Variants in DNASE2 observed in about 807,000 individuals in gnomAD.
The protein encoded by DNASE2 is deoxyribonuclease-2-alpha.
Under a neutral mutation model 29.8 loss-of-function variants are expected in DNASE2, and 26 were observed. That is an observed-to-expected ratio of 0.87 (90% confidence interval 0.64 to 1.21). The LOEUF (loss-of-function observed/expected upper bound fraction) is 1.21, where lower values mean the gene tolerates loss of function less well. Among genes scored for constraint, DNASE2 ranks in the 50% most tolerant of loss-of-function variants. The probability of loss-of-function intolerance (pLI) is 0.00; values close to 1 mark genes in which losing one functional copy is unlikely to be tolerated. For synonymous variants in DNASE2, 186 were observed against 193.5 expected, an observed-to-expected ratio of 0.96 and a Z score of 0.32; for missense variants, 415 against 455.6, an observed-to-expected ratio of 0.91 and a Z score of 0.81.
Position 12,878,688 on chromosome 19 carries a change from C to G in DNASE2, c.493G>C (p.Ala165Pro). ...GACTTACCCATCTTCGAGAACTGAG[C>G]GAAGGGAAAAGACACACAGAGCAGG... ...QTLLCVSFPFAQFSKMGKQLT... is the reference protein window; with the variant it reads ...QTLLCVSFPFPQFSKMGKQLT... The change falls in exon 4 of 6, where the codon GCT becomes CCT. Residue 165 changes from alanine (A) to proline (P), a missense_variant. Transcript: ENST00000222219. 1.2e-6 allele frequency: 2 copies of G among 1,613,942 alleles called. No individual in the cohort carries two copies. Among genetic ancestry groups the G allele is most frequent in the Non-Finnish European group, 1.7e-6 (2 of 1,179,990 alleles).
intron 5 of DNASE2, among the ~76,000 whole-genome samples, chr19:12,876,834 T>C (rs1970326824): frequency 6.6e-6 from 1 of 151,314 alleles, no homozygotes; most frequent in African/African-American, 2.4e-5. Context: ...TTCCCAAATT[T>C]GTTTTTGAGA....
chr19:12,881,281 C>A lies in DNASE2; in HGVS notation c.86+9G>T. 3.8e-6 allele frequency: 6 copies of A among 1,579,552 alleles called. No individual in the cohort carries two copies. The highest frequency in any genetic ancestry group is 5.2e-6 in the Non-Finnish European group (6 of 1,163,576). On this transcript the variant is annotated intron_variant, in intron 1 of 5. Coordinates refer to ENST00000222219, the MANE Select transcript of DNASE2 (RefSeq NM_001375.3). ...CGGGGCGATGGTAGGCCCCCCGCTG[C>A]GCACTCACCAGTCTACAGGCTGCCC...
rs1802335 is a variant in DNASE2 at position 12,876,061 on chromosome 19, G to A, written c.1012C>T (p.Gln338Ter). ...GGCTGGTAGTTCTTCACCAGCGGCT[G>A]GAAGGCTTTCCAGAGGGCTGGCAGC... ...AQLPALWKAF[Q>*]PLVKNYQPCN... The change falls in exon 6 of 6, where the codon CAG becomes TAG. Residue 338 changes from glutamine (Q) to a stop codon, truncating the protein, a stop_gained. Coordinates refer to ENST00000222219, the MANE Select transcript of DNASE2 (RefSeq NM_001375.3). LOFTEE classifies it low-confidence loss of function (END_TRUNC). 1.2e-6 allele frequency: 2 copies of A among 1,614,068 alleles called. No homozygotes were observed. Among genetic ancestry groups the A allele is most frequent in the Non-Finnish European group, 1.7e-6 (2 of 1,180,018 alleles).
intron 3 of DNASE2, among the ~76,000 whole-genome samples, chr19:12,880,102 CAAA>C (rs71168631): frequency 9.2e-4 from 39 of 42,454 alleles, no homozygotes; most frequent in South Asian, 2.7e-3. Flanking sequence ...GAGAGTGCCG[CAAA>C]AAAAAAAAAA....
At chr19:12,878,248 G>T (rs1264410726) in intron 5 of DNASE2, 134 bp downstream of exon 5, 3 of 1,159,874 alleles carry the variant, frequency 2.6e-6, no homozygotes, top group African/African-American at 3.0e-5. Flanking sequence ...TTGAACCCAG[G>T]TCTGTTCACT....
Position 12,878,582 on chromosome 19 carries a change from G to A in DNASE2, c.512-3C>T. ...GTAGGTGTAGGTCAGCTGCTTGCCT[G>A]GAGGACAAGGGGAGGAGGAAATGCA... On this transcript the variant is annotated splice_polypyrimidine_tract_variant and splice_region_variant and intron_variant, in intron 4 of 5. Coordinates refer to ENST00000222219, the MANE Select transcript of DNASE2 (RefSeq NM_001375.3). 1 of 1,614,090 alleles carries A rather than the reference G, an allele frequency of 6.2e-7. No individual in the cohort carries two copies. Among genetic ancestry groups the A allele is most frequent in the Non-Finnish European group, 8.5e-7 (1 of 1,180,022 alleles).
rs1030626745 is a variant in DNASE2 at position 12,878,476 on chromosome 19, G to A, written c.615C>T (p.His205=). Residue 205 remains histidine, a synonymous_variant, in exon 5 of 6, where the codon CAC becomes CAT. Transcript: ENST00000222219. ...TGCTGTTCCAGGGTTCTTGGCTAAC[G>A]TGGTGGCCCTTGACCACATTCTCCA... The part of the protein sequence containing the change: ...PDLENVVKGH[H]VSQEPWNSSI... 6.2e-6 allele frequency: 10 copies of A among 1,614,056 alleles called. No individual in the cohort carries two copies. Among genetic ancestry groups the A allele is most frequent in the African/African-American group, 1.3e-5 (1 of 75,050 alleles).
chr19:12,878,755 A>G lies in DNASE2; in HGVS notation c.426T>C (p.Ala142=). Reference sequence around the variant, plus strand: ...AGGCGCTATGAGGCCAGCTGTATGCAGCAGAGGAGGCCGGTGGAGGGAAGT... The same window carrying G: ...AGGCGCTATGAGGCCAGCTGTATGCGGCAGAGGAGGCCGGTGGAGGGAAGT... ...VPNFPPPASS[A]AYSWPHSACT... is the part of the protein sequence containing the mutation. Residue 142 remains alanine (A), a synonymous_variant, in exon 4 of 6, where the codon GCT becomes GCC. Transcript: ENST00000222219. The G allele has an allele frequency of 6.2e-7, 1 of 1,614,132 alleles. No individual in the cohort carries two copies. The highest frequency in any genetic ancestry group is 8.5e-7 in the Non-Finnish European group (1 of 1,180,018).
Position 12,880,888 on chromosome 19 carries a change from C to A in DNASE2, c.268-8G>T, listed in dbSNP as rs1035476433. ...GTAGAGCAGGAAGGCGAGCTGCGGG[C>A]GGATAAACGGAGGCAACGTGAAATT... On this transcript the variant is annotated splice_region_variant and splice_polypyrimidine_tract_variant and intron_variant, in intron 2 of 5. Transcript: ENST00000222219. The A allele has an allele frequency of 6.2e-7, 1 of 1,614,168 alleles. No homozygotes were observed. The highest frequency in any genetic ancestry group is 1.3e-5 in the African/African-American group (1 of 75,036).
rs768199297 is a variant in DNASE2, at chr19:12,875,947, T to C, written c.*43A>G. 3.3e-5 allele frequency: 53 copies of C among 1,608,014 alleles called. No individual in the cohort carries two copies. The highest frequency in any genetic ancestry group is 4.2e-5 in the Non-Finnish European group (49 of 1,179,308). ...ATCCTCCCTCCTTGGCTTCCCAAAG[T>C]GCTGGGATTACATACGTGAGCCACT... On this transcript the variant is annotated 3_prime_UTR_variant, in exon 6 of 6. Transcript: ENST00000222219.
chr19:12,876,093 C>A lies in DNASE2; in HGVS notation c.980G>T (p.Cys327Phe). 14 of 1,613,962 alleles carry A rather than the reference C, an allele frequency of 8.7e-6. No homozygotes were observed. Among genetic ancestry groups the A allele is most frequent in the Non-Finnish European group, 1.2e-5 (14 of 1,179,952 alleles). ...GEEQRGGGTL[C>F]AQLPALWKAF... is the part of the protein sequence containing the mutation. ...TTTCCAGAGGGCTGGCAGCTGGGCA[C>A]ACAGTGTGCCCCCACCCCGTTGCTC... The change falls in exon 6 of 6, where the codon TGT (cysteine) becomes TTT (phenylalanine). Residue 327 changes from cysteine (C) to phenylalanine (F), a missense_variant. Physicochemically the swap from Cys to Phe is radical, Grantham distance 205 (BLOSUM62 -2). Coordinates refer to ENST00000222219, the MANE Select transcript of DNASE2 (RefSeq NM_001375.3).
intron 5 of DNASE2, 61 bp from the exon 6 acceptor site, chr19:12,876,424 C>T: frequency 2.5e-6 from 4 of 1,584,662 alleles, no homozygotes; most frequent in Non-Finnish European, 3.4e-6. Context: ...AGTCCCTAGT[C>T]CACTTCCCCT....
chr19:12,880,657 T>C, intron 3 of DNASE2, 145 bp downstream of exon 3: 1 of 1,118,112 alleles, frequency 8.9e-7, no homozygotes, highest in Non-Finnish European at 1.3e-6. Context: ...TCCCACCGTC[T>C]CAAAAACAAA....
At chr19:12,876,459 CTT>C (rs56207722) in intron 5 of DNASE2, 96 bp from the exon 6 acceptor site, 38,836 of 1,200,142 alleles carry the variant, frequency 0.032, no homozygotes, top group Middle Eastern at 0.041. Context: ...TCCATATTTC[CTT>C]TTTTTTTTTT....
chr19:12,881,411 G>C lies in DNASE2; in HGVS notation c.-36C>G, dbSNP rs1183049600. On this transcript the variant is annotated 5_prime_UTR_variant, in exon 1 of 6. Coordinates refer to ENST00000222219, the MANE Select transcript of DNASE2 (RefSeq NM_001375.3). ...GGGCTGAGATCCAGGAATCTGTGTCGGGACTGCGGGGCGCTGGGTTACATC... is the reference window on the plus strand; with the variant it reads ...GGGCTGAGATCCAGGAATCTGTGTCCGGACTGCGGGGCGCTGGGTTACATC... 1 of 1,548,030 alleles carries C rather than the reference G, an allele frequency of 6.5e-7. No homozygotes were observed. The highest frequency in any genetic ancestry group is 1.2e-5 in the South Asian group (1 of 83,978).
intron 5 of DNASE2, among the ~76,000 whole-genome samples, chr19:12,877,013 G>A (rs1365092358): frequency 6.6e-6 from 1 of 151,908 alleles, no homozygotes. Flanking sequence ...AGTAGAGATG[G>A]GGTTCCACCA....
chr19:12,878,809 C>T lies in DNASE2; in HGVS notation c.372G>A (p.Gly124=). The change falls in exon 4 of 6, where the codon GGG becomes GGA. Residue 124 remains glycine, a synonymous_variant. Coordinates refer to ENST00000222219, the MANE Select transcript of DNASE2 (RefSeq NM_001375.3). The stretch of plus-strand genomic sequence containing the variant: ...GTACACTGTGGACCAGCCAGAAGCC[C>T]CCATCGTGGTCAAGGAGCAGGACAC... The part of the protein sequence containing the change: ...TKGVLLLDHD[G]GFWLVHSVPN... The T allele has an allele frequency of 1.9e-6, 3 of 1,613,508 alleles. No individual in the cohort carries two copies. Among genetic ancestry groups the T allele is most frequent in the Non-Finnish European group, 2.5e-6 (3 of 1,179,896 alleles).
chr19:12,879,300 C>T (rs1970353940), intron 3 of DNASE2, among the ~76,000 whole-genome samples: 1 of 151,626 alleles, frequency 6.6e-6, no homozygotes, highest in Admixed American at 6.6e-5. Context: ...GCCTGGCCAA[C>T]ATGGAGAAAC....
At chr19:12,877,024 T>C (rs1283386699) in intron 5 of DNASE2, among the ~76,000 whole-genome samples, 2 of 151,970 alleles carry the variant, frequency 1.3e-5, no homozygotes, top group African/African-American at 2.4e-5. Context: ...GGTTCCACCA[T>C]GTTGGCCAGG....
Sources: allele counts gnomAD v4.1 joint callset (sites outside exome capture counted in the v4.1 genomes callset), GRCh38; gene constraint gnomAD v4.1.1; transcripts MANE v1.5; gene names NCBI Gene and HGNC (gene_info 2026-07-23, HGNC 2026-07-21).